Variants in RASAL1 observed in about 807,000 individuals in gnomAD.
RASAL1 encodes the protein rasGAP-activating-like protein 1.
In RASAL1, 72 loss-of-function variants were observed where a neutral mutation model predicts 96.6. The observed-to-expected ratio is 0.75, with a 90% CI of 0.62 to 0.91. The LOEUF (loss-of-function observed/expected upper bound fraction) is 0.91. Among genes scored for constraint, RASAL1 ranks in the 40% least tolerant of loss-of-function variants. The pLI, the probability that RASAL1 is intolerant of heterozygous loss-of-function variation, is 0.00. For missense variants in RASAL1, 1,016 were observed against 1,072.5 expected (o/e 0.95, Z 0.74); for synonymous variants, 405 against 430.4 (o/e 0.94, Z 0.73).
intron 16 of RASAL1, 64 bp from the exon 17 acceptor site, chr12:113,104,362 C>G: frequency 1.4e-6 from 2 of 1,471,452 alleles, no homozygotes; most frequent in Non-Finnish European, 9.2e-7. Flanking sequence ...GGACACCTTC[C>G]GTCTGGTTGT....
rs143449206 is a variant in RASAL1 at position 113,129,722 on chromosome 12, G to GCACA, written c.122+1159_122+1162dup. On this transcript the variant is annotated intron_variant, in intron 2 of 20. Coordinates refer to ENST00000548055, the MANE Select transcript of RASAL1 (RefSeq NM_001301202.2). This position sits in a 1 kb window ranked among gnomAD's most constrained non-coding sequence, Gnocchi z 5.0. ...AGAGTGCACATATGCGCGCGTGCGC[G>GCACA]CACACACACACACACACCCCGCCTT... 5.2e-3 allele frequency among the ~76,000 whole-genome samples: 785 copies of GCACA among 151,202 alleles called. 12 individuals are homozygous for GCACA. The highest frequency in any genetic ancestry group is 0.018 in the African/African-American group (748 of 41,276).
chr12:113,134,282 G>A (rs1252016415), intron 1 of RASAL1, among the ~76,000 whole-genome samples: 1 of 152,222 alleles, frequency 6.6e-6, no homozygotes, highest in Non-Finnish European at 1.5e-5. Context: ...TGACGCAGCT[G>A]CAGTGTTTTG....
intron 18 of RASAL1, 96 bp from the exon 19 acceptor site, chr12:113,102,105 A>T: frequency 6.8e-7 from 1 of 1,466,076 alleles, no homozygotes; most frequent in Non-Finnish European, 9.2e-7. Context: ...TTCTTCCTGT[A>T]AAATCCCTCC....
chr12:113,123,148 C>A (rs537851349), intron 4 of RASAL1, among the ~76,000 whole-genome samples: 8 of 152,090 alleles, frequency 5.3e-5, no homozygotes, highest in South Asian at 2.1e-4. Context: ...TTATTGCAGA[C>A]CTTTCTTGTG....
In RASAL1 at chr12:113,116,021, T is replaced by C. The variant is rs770493024; in HGVS notation, c.762A>G (p.Val254=). ...GCAGGACGCGGTCCTCAATCAGGCG[T>C]ACCTTCACTCGCAGGGCACCCAGGT... ...GGNLGALRVK[V]RLIEDRVLPS... Residue 254 remains valine, a synonymous_variant, in exon 9 of 21, where the codon GTA becomes GTG. Transcript: ENST00000548055. The C allele has an allele frequency of 6.2e-7, 1 of 1,603,432 alleles. No homozygotes were observed. The highest frequency in any genetic ancestry group is 8.5e-7 in the Non-Finnish European group (1 of 1,175,130).
At chr12:113,103,770 A>G in intron 18 of RASAL1, 176 bp downstream of exon 18, 1 of 831,278 alleles carries the variant, frequency 1.2e-6, no homozygotes, top group East Asian at 2.7e-5. Context: ...TCATTTAATT[A>G]TCACAACTCC....
rs1415502203 is a variant in RASAL1, at chr12:113,115,094, C to T, written c.1068+106G>A. 7.8e-7 allele frequency: 1 copy of T among 1,279,070 alleles called. No homozygotes were observed. Among genetic ancestry groups the T allele is most frequent in the Non-Finnish European group, 1.1e-6 (1 of 881,166 alleles). 79.2% of individuals were successfully genotyped at this position (1,279,070 alleles called of 1,614,324 possible). ...ACCAGCCGCCAGCACTGCAGCTCGG[C>T]TGCTCAGTGCTGTCTGAAGCCAGCT... On this transcript the variant is annotated intron_variant, in intron 11 of 20. Coordinates refer to ENST00000548055, the MANE Select transcript of RASAL1 (RefSeq NM_001301202.2). The surrounding 1 kb of genome is among the most constrained non-coding windows in gnomAD (Gnocchi z 4.1).
chr12:113,119,445 T>G lies in RASAL1; in HGVS notation c.429-2A>C, dbSNP rs189758072. 1 of 1,599,900 alleles carries G rather than the reference T, an allele frequency of 6.3e-7. No homozygotes were observed. Among genetic ancestry groups the G allele is most frequent in the Non-Finnish European group, 8.5e-7 (1 of 1,171,592 alleles). The stretch of plus-strand genomic sequence containing the variant: ...GAGATGTCTCTGGGAGCCAGGTCCC[T>G]GGGAACAGATGGGGAAAGGAGTGAG... On this transcript the variant is annotated splice_acceptor_variant, in intron 5 of 20. Coordinates refer to ENST00000548055, the MANE Select transcript of RASAL1 (RefSeq NM_001301202.2). LOFTEE classifies it high-confidence loss of function.
intron 18 of RASAL1, chr12:113,103,206 ATTATATATTATT>A (rs1259412931): frequency 6.7e-6 from 1 of 149,094 alleles, no homozygotes; most frequent in African/African-American, 2.5e-5. Flanking sequence ...TTTTATATAT[ATTATATATTATT>A]TTATATAATA....
At position 113,100,010 on chromosome 12, in the gene RASAL1, C is replaced by G; in HGVS notation, c.2337G>C (p.Val779=). The G allele has an allele frequency of 6.2e-7, 1 of 1,613,682 alleles. No homozygotes were observed. The highest frequency in any genetic ancestry group is 8.5e-7 in the Non-Finnish European group (1 of 1,179,688). ...CGTGGGCACGATCCAGGTCTGCGAGCACCTCCAGCAGGCGGGCAGTTGCTG... is the reference window on the plus strand; with the variant it reads ...CGTGGGCACGATCCAGGTCTGCGAGGACCTCCAGCAGGCGGGCAGTTGCTG... The part of the protein sequence containing the change: ...QRAATARLLE[V]LADLDRAHEE... The change falls in exon 21 of 21, where the codon GTG becomes GTC. Residue 779 remains valine (V), a synonymous_variant. Coordinates refer to ENST00000548055, the MANE Select transcript of RASAL1 (RefSeq NM_001301202.2).
upstream of RASAL1, among the ~76,000 whole-genome samples, chr12:113,136,434 T>C (rs1363415920): frequency 6.6e-6 from 1 of 152,216 alleles, no homozygotes; most frequent in African/African-American, 2.4e-5. Context: ...TGTCTCCAGA[T>C]GTGCACTACA....
chr12:113,109,509 C>G (rs1307078929), intron 13 of RASAL1, among the ~76,000 whole-genome samples: 1 of 152,164 alleles, frequency 6.6e-6, no homozygotes, highest in African/African-American at 2.4e-5. Context: ...TCCCCAGCAC[C>G]AGCAGAGGTG....
At chr12:113,114,561 A>AGTG (rs1201433033) in intron 12 of RASAL1, among the ~76,000 whole-genome samples, 2 of 152,192 alleles carry the variant, frequency 1.3e-5, no homozygotes, top group African/African-American at 4.8e-5. Context: ...GTCCACCAGT[A>AGTG]GTGGCAAAGC....
In RASAL1 at chr12:113,099,950, G is replaced by A. The variant is rs537928112; in HGVS notation, c.2397C>T (p.Ala799=). The change falls in exon 21 of 21, where the codon GCC becomes GCT. Residue 799 remains alanine, a synonymous_variant. Coordinates refer to ENST00000548055, the MANE Select transcript of RASAL1 (RefSeq NM_001301202.2). The part of the protein sequence containing the change: ...EFQQQERGKA[A]LGPLGP Reference sequence around the variant, plus strand: ...TTCCTTAGGGGCCAAGGGGGCCCAGGGCCGCCTTCCCTCGCTCCTGCTGCT... The same window carrying A: ...TTCCTTAGGGGCCAAGGGGGCCCAGAGCCGCCTTCCCTCGCTCCTGCTGCT... 18 of 1,612,382 alleles carry A rather than the reference G, an allele frequency of 1.1e-5. No homozygotes were observed. In the South Asian group the frequency reaches 1.8e-4, roughly 16 times the overall value.
At chr12:113,128,007 C>T in intron 3 of RASAL1, 58 bp downstream of exon 3, 1 of 1,578,154 alleles carries the variant, frequency 6.3e-7, no homozygotes, top group African/African-American at 1.3e-5. Context: ...CCCCTCTCCC[C>T]TCAGGTGCCC....
chr12:113,113,633 A>G (rs1303394458), intron 12 of RASAL1, among the ~76,000 whole-genome samples: 3 of 152,168 alleles, frequency 2.0e-5, no homozygotes, highest in African/African-American at 7.2e-5. Context: ...CAGTTGCATC[A>G]TCAGTAAGAG....
intron 4 of RASAL1, among the ~76,000 whole-genome samples, chr12:113,124,014 G>A (rs1011103374): frequency 2.0e-5 from 3 of 151,090 alleles, no homozygotes; most frequent in Non-Finnish European, 4.4e-5. Context: ...GAGGTCAGGA[G>A]TTTGAGACCA....
chr12:113,105,981 G>A lies in RASAL1; in HGVS notation c.1658-95C>T, dbSNP rs549731833. On this transcript the variant is annotated intron_variant, in intron 15 of 20. Coordinates refer to ENST00000548055, the MANE Select transcript of RASAL1 (RefSeq NM_001301202.2). Reference sequence around the variant, plus strand: ...ATGCCCAGGGAGGACCTCAGTGGACGGGCATGGTTCTCTGCTCCCCTAGAG... The same window carrying A: ...ATGCCCAGGGAGGACCTCAGTGGACAGGCATGGTTCTCTGCTCCCCTAGAG... The A allele has an allele frequency of 2.3e-4, 303 of 1,322,234 alleles. 1 individual carries two copies. Among genetic ancestry groups the A allele is most frequent in the Non-Finnish European group, 2.7e-4 (261 of 960,418 alleles). 81.9% of individuals were successfully genotyped at this position (1,322,234 alleles called of 1,614,324 possible).
Position 113,130,902 on chromosome 12 carries a change from G to A in RASAL1, c.105C>T (p.Asp35=), listed in dbSNP as rs761863156. The change falls in exon 2 of 21, where the codon GAC becomes GAT. Residue 35 remains aspartate, a synonymous_variant. Coordinates refer to ENST00000548055, the MANE Select transcript of RASAL1 (RefSeq NM_001301202.2). This position sits in a 1 kb window ranked among gnomAD's most constrained non-coding sequence, Gnocchi z 5.1. ...CCCCTCACCTGGCCACCACCTCGTC[G>A]TCCACTTTCACTAGGCAGTAGGGGT... ...SSDPYCLVKV[D]DEVVARTATV... 1.8e-5 allele frequency: 29 copies of A among 1,613,164 alleles called. No individual in the cohort carries two copies. Among genetic ancestry groups the A allele is most frequent in the Middle Eastern group, 1.6e-4 (1 of 6,080 alleles).
Sources: allele counts gnomAD v4.1 joint callset (sites outside exome capture counted in the v4.1 genomes callset), GRCh38; gene constraint gnomAD v4.1.1; non-coding constraint Gnocchi (gnomAD v3.1); transcripts MANE v1.5; gene names NCBI Gene and HGNC (gene_info 2026-07-23, HGNC 2026-07-21).